Variants in RTN1 observed in about 807,000 individuals in gnomAD.
The protein encoded by RTN1 is reticulon 1, also known as reticulon-1.
Under a neutral mutation model 65.5 loss-of-function variants are expected in RTN1, and 25 were observed. The observed-to-expected ratio is 0.38, with a 90% CI of 0.28 to 0.53. The LOEUF is 0.53. Among genes scored for constraint, RTN1 ranks in the 20% least tolerant of loss-of-function variants. The pLI is 0.79. For missense variants in RTN1, 983 were observed against 1,025.4 expected (o/e 0.96, Z 0.57); for synonymous variants, 471 against 447.6 (o/e 1.05, Z -0.66).
intron 3 of RTN1, among the ~76,000 whole-genome samples, chr14:59,649,825 T>G (rs958891538): frequency 6.6e-6 from 1 of 152,212 alleles, no homozygotes; most frequent in African/African-American, 2.4e-5. Context: ...GTTCAACCAT[T>G]GTGGAACACA....
At chr14:59,745,604 G>A in intron 2 of RTN1, 104 bp downstream of exon 2, 1 of 997,692 alleles carries the variant, frequency 1.0e-6, no homozygotes, top group Admixed American at 2.5e-5. Context: ...GGTCCAGATA[G>A]TAAAGTATGT....
intron 3 of RTN1, among the ~76,000 whole-genome samples, chr14:59,622,240 C>G (rs1882274228): frequency 6.6e-6 from 1 of 152,184 alleles, no homozygotes; most frequent in Non-Finnish European, 1.5e-5. Flanking sequence ...ACTTGGGAGG[C>G]TGAGGCAGGA....
At chr14:59,610,746 G>T (rs7492729) in intron 3 of RTN1, among the ~76,000 whole-genome samples, 40 of 152,332 alleles carry the variant, frequency 2.6e-4, no homozygotes, top group African/African-American at 9.6e-4. Flanking sequence ...ACTAACATTA[G>T]CCACAAGATA....
At chr14:59,603,763 C>A in intron 6 of RTN1, 89 bp downstream of exon 6, 1 of 1,014,012 alleles carries the variant, frequency 9.9e-7, no homozygotes, top group Non-Finnish European at 1.5e-6. Flanking sequence ...CTAGGAATCT[C>A]TTTAAACAAA....
In RTN1 at chr14:59,750,373, T is replaced by A. The variant is rs1260605275; in HGVS notation, c.242-3892A>T. On this transcript the variant is annotated intron_variant, in intron 1 of 8. Transcript: ENST00000267484. ...ATATATTATATCTATATATTATATC[T>A]ATATATTATATATTATATCTATAAT... Among the ~76,000 whole-genome samples the A allele has an allele frequency of 1.5e-3, 45 of 30,916 alleles. 1 individual carries two copies. The highest frequency in any genetic ancestry group is 1.8e-3 in the Non-Finnish European group (37 of 20,686). 20.3% of individuals were successfully genotyped at this position (30,916 alleles called of 152,430 possible).
At chr14:59,771,161 T>C (rs914348814) in intron 1 of RTN1, among the ~76,000 whole-genome samples, 3 of 152,226 alleles carry the variant, frequency 2.0e-5, no homozygotes, top group East Asian at 3.8e-4. Context: ...GTAGCCATGA[T>C]GGACTTGTGA....
chr14:59,849,336 T>C lies in RTN1; in HGVS notation c.241+21054A>G, dbSNP rs1415447946. Among the ~76,000 whole-genome samples, 1 of 152,208 alleles carries C rather than the reference T, an allele frequency of 6.6e-6. No homozygotes were observed. Among genetic ancestry groups the C allele is most frequent in the Non-Finnish European group, 1.5e-5 (1 of 68,032 alleles). ...TAACTACTCCCTGTTCCCCAAAGTA[T>C]AGAGTACATTTTCATATTTGAGCAT... On this transcript the variant is annotated intron_variant, in intron 1 of 8. Coordinates refer to ENST00000267484, the MANE Select transcript of RTN1 (RefSeq NM_021136.3). This position sits in a 1 kb window ranked among gnomAD's most constrained non-coding sequence, Gnocchi z 4.5.
chr14:59,636,986 A>C (rs1391834168), intron 3 of RTN1, among the ~76,000 whole-genome samples: 1 of 152,228 alleles, frequency 6.6e-6, no homozygotes. Flanking sequence ...GAGTGGTTGC[A>C]GCAATTTTTG....
At position 59,790,347 on chromosome 14, in the gene RTN1, C is replaced by T. The variant is rs1262792825; in HGVS notation, c.242-43866G>A. On this transcript the variant is annotated intron_variant, in intron 1 of 8. Coordinates refer to ENST00000267484, the MANE Select transcript of RTN1 (RefSeq NM_021136.3). This position sits in a 1 kb window ranked among gnomAD's most constrained non-coding sequence, Gnocchi z 4.1. ...ATGGCAACACATTGATAGCAGTAGT[C>T]ATTTCTGAATGGTAGCAACAGAGGT... 1.3e-5 allele frequency among the ~76,000 whole-genome samples: 2 copies of T among 151,942 alleles called. No individual in the cohort carries two copies. The highest frequency in any genetic ancestry group is 2.4e-5 in the African/African-American group (1 of 41,396).
chr14:59,670,910 A>T (rs1883488181), intron 3 of RTN1, among the ~76,000 whole-genome samples: 1 of 152,230 alleles, frequency 6.6e-6, no homozygotes, highest in African/African-American at 2.4e-5. Flanking sequence ...TCCCATTAAA[A>T]TATGAGTAAA....
At chr14:59,673,219 C>G (rs145856400) in intron 3 of RTN1, among the ~76,000 whole-genome samples, 2,838 of 152,228 alleles carry the variant, frequency 0.019, 34 homozygotes, top group Middle Eastern at 0.054. Context: ...TTGGGGAGTC[C>G]CAAGGTCTGA....
At chr14:59,773,380 T>C (rs977872824) in intron 1 of RTN1, among the ~76,000 whole-genome samples, 7 of 152,174 alleles carry the variant, frequency 4.6e-5, no homozygotes, top group Admixed American at 1.3e-4. Flanking sequence ...TAATTCACTA[T>C]TGTGGTTCCA....
chr14:59,806,152 C>G (rs1326042018), intron 1 of RTN1, among the ~76,000 whole-genome samples: 1 of 152,044 alleles, frequency 6.6e-6, no homozygotes, highest in Non-Finnish European at 1.5e-5. Flanking sequence ...AGGAGAATCA[C>G]TCGAACCTGG....
rs1237154460 is a variant in RTN1, at chr14:59,596,548, T to C, written c.*197A>G. ...ATCTAATACACTTTTCTCTATACTT[T>C]AGTGGTTGACACAAGTGACTCAAAT... On this transcript the variant is annotated 3_prime_UTR_variant, in exon 9 of 9. Coordinates refer to ENST00000267484, the MANE Select transcript of RTN1 (RefSeq NM_021136.3). 1 of 504,008 alleles carries C rather than the reference T, an allele frequency of 2.0e-6. No individual in the cohort carries two copies. Among genetic ancestry groups the C allele is most frequent in the East Asian group, 3.2e-5 (1 of 31,634 alleles). 31.2% of individuals were successfully genotyped at this position (504,008 alleles called of 1,614,324 possible). A position where few individuals can be genotyped will look rare whatever the true frequency, so the allele number is the denominator to read the frequency against.
Position 59,868,561 on chromosome 14 carries a change from C to CA in RTN1, c.241+1828dup, listed in dbSNP as rs530313190. Among the ~76,000 whole-genome samples, 7 of 150,738 alleles carry CA rather than the reference C, an allele frequency of 4.6e-5. No individual in the cohort carries two copies. The highest frequency in any genetic ancestry group is 6.6e-5 in the Admixed American group (1 of 15,166). On this transcript the variant is annotated intron_variant, in intron 1 of 8. Transcript: ENST00000267484. The surrounding 1 kb of genome is among the most constrained non-coding windows in gnomAD (Gnocchi z 4.0). ...GAGTAAATTTTAAACGCTTTTACCA[C>CA]AAAAAAAAAGTACATGAGATGATGG...
At position 59,605,501 on chromosome 14, in the gene RTN1, T is replaced by A. The variant is rs1881714335; in HGVS notation, c.1979A>T (p.Tyr660Phe). The stretch of plus-strand genomic sequence containing the variant: ...AGAAAGGGTGATCTCAAGCTCCAAG[T>A]AGGCCCTGTCAACAAACCATTCCCA... ...KTDEGHPFKA[Y>F]LELEITLSQE... The change falls in exon 5 of 9, where the codon TAC (tyrosine) becomes TTC (phenylalanine). Residue 660 changes from tyrosine to phenylalanine, a missense_variant. This residue lies in a region of RTN1 where 165 missense variants were observed against 223.6 expected (regional missense o/e 0.74). Transcript: ENST00000267484. 6.2e-7 allele frequency: 1 copy of A among 1,613,848 alleles called. No homozygotes were observed. The highest frequency in any genetic ancestry group is 2.2e-5 in the East Asian group (1 of 44,874).
chr14:59,759,238 C>A (rs1885700922), intron 1 of RTN1, among the ~76,000 whole-genome samples: 1 of 152,132 alleles, frequency 6.6e-6, no homozygotes, highest in Non-Finnish European at 1.5e-5. Context: ...ATCTTCCAAC[C>A]TTATTTTAAA....
intron 1 of RTN1, among the ~76,000 whole-genome samples, chr14:59,864,945 A>T (rs1162119641): frequency 6.6e-6 from 1 of 152,184 alleles, no homozygotes; most frequent in Middle Eastern, 3.2e-3. Context: ...CATATCAGCC[A>T]TCCTTTGAAA....
At chr14:59,601,262 G>A (rs723384) in intron 8 of RTN1, among the ~76,000 whole-genome samples, 69,287 of 151,940 alleles carry the variant, frequency 0.46, 18,074 homozygotes, top group East Asian at 0.84. Context: ...CTCTTGCAAC[G>A]TCTTTCCCCT....
Sources: gnomAD v4.1 joint callset for allele counts (sites outside exome capture counted in the v4.1 genomes callset) on GRCh38, gnomAD v4.1.1 for gene constraint, gnomAD v4.1.1 regional missense constraint, Gnocchi (gnomAD v3.1) non-coding constraint, MANE v1.5 for transcripts, NCBI Gene and HGNC (gene_info 2026-07-23, HGNC 2026-07-21) for gene names.